The following SLC22A25 variants were observed in gnomAD, a reference collection of about 807,000 sequenced individuals.
SLC22A25 encodes solute carrier family 22 member 25.
A neutral mutation model predicts 45.9 loss-of-function variants in SLC22A25; 44 were observed. That is an observed-to-expected ratio of 0.96 (90% confidence interval 0.75 to 1.23). The LOEUF (loss-of-function observed/expected upper bound fraction) is 1.23. Among genes scored for constraint, SLC22A25 ranks in the 50% most tolerant of loss-of-function variants. SLC22A25 has a pLI of 0.00. For synonymous variants in SLC22A25, 283 were observed against 238.6 expected (o/e 1.19, Z -1.72); for missense variants, 800 against 666.4 (o/e 1.20, Z -2.21).
At position 63,217,324 on chromosome 11, in the gene SLC22A25, G is replaced by A. The variant is rs753113961; in HGVS notation, c.820C>T (p.Leu274=). ...ATGCAAGCTCAATACCTTGAGAACA[G>A]AAAGAAGACAAAGCATGGTGCAGAC... is the stretch of plus-strand genomic sequence containing the variant. ...VMSAPCFVFF[L]FSRWLAESAR... The change falls in exon 7 of 12, where the codon CTG becomes TTG. Residue 274 remains leucine (L), a synonymous_variant. Transcript: ENST00000306494. 1 of 1,613,430 alleles carries A rather than the reference G, an allele frequency of 6.2e-7. No homozygotes were observed. The highest frequency in any genetic ancestry group is 1.3e-5 in the African/African-American group (1 of 74,918).
chr11:63,187,605 G>A (rs2088612461), intron 7 of SLC22A25, among the ~76,000 whole-genome samples: 1 of 152,158 alleles, frequency 6.6e-6, no homozygotes, highest in African/African-American at 2.4e-5. Flanking sequence ...GTGAGAGAGG[G>A]CATCCCTGTC....
intron 9 of SLC22A25, 63 bp from the exon 10 acceptor site, chr11:63,166,321 A>G (rs1410287792): frequency 6.3e-7 from 1 of 1,575,310 alleles, no homozygotes; most frequent in Non-Finnish European, 8.6e-7. Context: ...TACAAATGAG[A>G]ATAATATTGG....
chr11:63,226,888 T>C (rs1157958108), intron 5 of SLC22A25, among the ~76,000 whole-genome samples: 1 of 152,208 alleles, frequency 6.6e-6, no homozygotes, highest in African/African-American at 2.4e-5. Context: ...TTCTCTCCCC[T>C]TTCCACCAGA....
chr11:63,167,319 C>A (rs184550934), intron 9 of SLC22A25: 2 of 152,528 alleles, frequency 1.3e-5, no homozygotes, highest in East Asian at 1.9e-4. Flanking sequence ...GAGACAGAAC[C>A]ATTCACTCTC....
intron 5 of SLC22A25, among the ~76,000 whole-genome samples, chr11:63,227,973 A>T (rs1263977541): frequency 6.6e-6 from 1 of 152,218 alleles, no homozygotes; most frequent in Non-Finnish European, 1.5e-5. Flanking sequence ...AAGTGCACAG[A>T]TTCTCTGTGC....
At chr11:63,194,890 CAAAAAAAAAAAAAAA>C (rs796301840) in intron 7 of SLC22A25, among the ~76,000 whole-genome samples, 1 of 34,654 alleles carries the variant, frequency 2.9e-5, no homozygotes, top group African/African-American at 8.0e-5. Flanking sequence ...AAATGGAAAG[CAAAAAAAAAAAAAAA>C]AAAAAAAAAA....
chr11:63,173,151 A>G (rs1443956407), intron 9 of SLC22A25, among the ~76,000 whole-genome samples: 1 of 150,434 alleles, frequency 6.6e-6, no homozygotes, highest in Non-Finnish European at 1.5e-5. Flanking sequence ...TTTCACTCAT[A>G]AGTGGGAACT....
intron 7 of SLC22A25, among the ~76,000 whole-genome samples, chr11:63,191,025 T>A (rs2088790127): frequency 1.3e-5 from 2 of 152,236 alleles, no homozygotes; most frequent in Admixed American, 6.5e-5. Flanking sequence ...GTCTGCCCAT[T>A]CTCAGATCTC....
At chr11:63,228,364 C>T (rs768826393) in intron 5 of SLC22A25, 97 bp downstream of exon 5, 11 of 944,368 alleles carry the variant, frequency 1.2e-5, no homozygotes, top group Non-Finnish European at 1.8e-5. Flanking sequence ...AAGGGAGCAA[C>T]AGGATAGTGT....
At chr11:63,169,395 CACTGGTGTGCTGT>C (rs569557820) in intron 9 of SLC22A25, among the ~76,000 whole-genome samples, 120 of 152,208 alleles carry the variant, frequency 7.9e-4, no homozygotes, top group African/African-American at 2.7e-3. Flanking sequence ...AGTCAAGACC[CACTGGTGTGCTGT>C]ATTCAGGAGA....
chr11:63,164,587 C>T lies in SLC22A25; in HGVS notation c.1333G>A (p.Ala445Thr), dbSNP rs1458431103. 1.9e-6 allele frequency: 3 copies of T among 1,613,818 alleles called. No individual in the cohort carries two copies. Among genetic ancestry groups the T allele is most frequent in the Non-Finnish European group, 2.5e-6 (3 of 1,179,840 alleles). The change falls in exon 11 of 12, where the codon GCT becomes ACT. Residue 445 changes from alanine to threonine, a missense_variant. Ala to Thr is a moderately conservative substitution (Grantham distance 58). Coordinates refer to ENST00000306494, the MANE Select transcript of SLC22A25 (RefSeq NM_199352.6). ...VVLATLGVGAASLGITCSTAQ... is the reference protein window; with the variant it reads ...VVLATLGVGATSLGITCSTAQ... ...GTAGAACAGGTAATGCCAAGAGAAG[C>T]AGCTCCCACACCCAGGGTTGCCAAA...
intron 9 of SLC22A25, among the ~76,000 whole-genome samples, chr11:63,169,883 A>G (rs2134712657): frequency 6.6e-6 from 1 of 152,322 alleles, no homozygotes; most frequent in African/African-American, 2.4e-5. Flanking sequence ...ACCACATCGC[A>G]CTTATTCTAA....
chr11:63,177,351 AGTGTGTGTGTGTGTGT>A (rs58040188), intron 9 of SLC22A25, among the ~76,000 whole-genome samples: 54,433 of 149,672 alleles, frequency 0.36, 10,127 homozygotes, highest in East Asian at 0.56. Context: ...TCATCATTTG[AGTGTGTGTGTGTGTGT>A]GTGTGTGTGT....
At chr11:63,176,066 C>T (rs10792403) in intron 9 of SLC22A25, among the ~76,000 whole-genome samples, 1 of 151,838 alleles carries the variant, frequency 6.6e-6, no homozygotes, top group African/African-American at 2.4e-5. Flanking sequence ...CCATTCTGTT[C>T]CATTGGTCTA....
At position 63,217,691 on chromosome 11, in the gene SLC22A25, G is replaced by A. The variant is rs1433939818; in HGVS notation, c.551C>T (p.Ala184Val). Residue 184 changes from alanine to valine, a missense_variant, in exon 6 of 12, where the codon GCC becomes GTC. Physicochemically the swap from Ala to Val is moderately conservative, Grantham distance 64. Coordinates refer to ENST00000306494, the MANE Select transcript of SLC22A25 (RefSeq NM_199352.6). ...AAAGGCCGCACAGGTGCCTACAATG[G>A]CGAGCTGGAGGTAAGACCATCTGAG... ...FVLRWSYLQL[A>V]IVGTCAAFAP... The A allele has an allele frequency of 6.2e-7, 1 of 1,613,826 alleles. No homozygotes were observed. Among genetic ancestry groups the A allele is most frequent in the Non-Finnish European group, 8.5e-7 (1 of 1,179,936 alleles).
In SLC22A25 at chr11:63,219,403, G is replaced by A. The variant is rs929382938; in HGVS notation, c.507-1668C>T. Among the ~76,000 whole-genome samples, 7 of 152,222 alleles carry A rather than the reference G, an allele frequency of 4.6e-5. No individual in the cohort carries two copies. In the South Asian group the frequency reaches 6.2e-4, roughly 14 times the overall value. The stretch of plus-strand genomic sequence containing the variant: ...CTTTGACGTTTACATAAGTGAAGTG[G>A]TATCGTGTGCAATCATTTTTGGTTG... On this transcript the variant is annotated intron_variant, in intron 5 of 11. Transcript: ENST00000306494.
chr11:63,189,644 G>C (rs1429202793), intron 7 of SLC22A25, among the ~76,000 whole-genome samples: 11 of 152,260 alleles, frequency 7.2e-5, no homozygotes, highest in Non-Finnish European at 1.5e-4. Context: ...TAGCATCGAT[G>C]GTCTTTACAA....
intron 7 of SLC22A25, among the ~76,000 whole-genome samples, chr11:63,193,555 C>A (rs1225603754): frequency 6.6e-6 from 1 of 152,214 alleles, no homozygotes; most frequent in Non-Finnish European, 1.5e-5. Flanking sequence ...CTCCAACAGA[C>A]CTGCAGCTGA....
intron 5 of SLC22A25, among the ~76,000 whole-genome samples, chr11:63,220,732 G>A (rs978165292): frequency 8.6e-5 from 13 of 151,738 alleles, no homozygotes; most frequent in Non-Finnish European, 1.8e-4. Context: ...CCATTTTTTT[G>A]TGTACCCATT....
Sources: allele counts gnomAD v4.1 joint callset (sites outside exome capture counted in the v4.1 genomes callset), GRCh38; gene constraint gnomAD v4.1.1; transcripts MANE v1.5; gene names NCBI Gene and HGNC (gene_info 2026-07-23, HGNC 2026-07-21).